C16orf46: variants seen among roughly 807,000 people sequenced by gnomAD.
C16orf46 encodes the protein chromosome 16 open reading frame 46.
A neutral mutation model predicts 5.5 loss-of-function variants in C16orf46; 7 were observed. That is an observed-to-expected ratio of 1.28 (90% CI 0.73 to 2.40). The LOEUF is 2.40. Among genes scored for constraint, C16orf46 ranks in the 30% most tolerant of loss-of-function variants. The probability of loss-of-function intolerance (pLI) is 0.00; values close to 1 mark genes in which losing one functional copy is unlikely to be tolerated. For missense variants in C16orf46, 614 were observed against 476.0 expected (o/e 1.29, Z -2.70); for synonymous variants, 200 against 184.1 (o/e 1.09, Z -0.70).
At chr16:81,059,406 C>T (rs948547230), downstream of C16orf46, among the ~76,000 whole-genome samples, 10 of 150,722 alleles carry the variant, frequency 6.6e-5, no homozygotes, top group Non-Finnish European at 8.8e-5. Flanking sequence ...CAAATATAGT[C>T]ATATATTCTG....
chr16:81,066,890 C>A (rs1410047579), intron 1 of C16orf46, among the ~76,000 whole-genome samples: 1 of 152,152 alleles, frequency 6.6e-6, no homozygotes. Flanking sequence ...GCCATGGAGA[C>A]GCATTTGCAG....
chr16:81,067,701 C>T (rs1369516727), intron 1 of C16orf46, among the ~76,000 whole-genome samples: 12 of 152,016 alleles, frequency 7.9e-5, no homozygotes, highest in South Asian at 2.1e-4. Context: ...TACAGGCGTG[C>T]GCTACCATGC....
chr16:81,061,064 G>C lies in C16orf46; in HGVS notation c.*97C>G, dbSNP rs1163588804. 44 of 1,310,374 alleles carry C rather than the reference G, an allele frequency of 3.4e-5. No homozygotes were observed. The highest frequency in any genetic ancestry group is 4.5e-5 in the Non-Finnish European group (43 of 963,550). The allele number at this position is 1,310,374 out of a possible 1,614,324, so 81.2% of individuals were successfully genotyped here. On this transcript the variant is annotated 3_prime_UTR_variant, in exon 4 of 4. Transcript: ENST00000299578. ...GACAGACTGACGGGGAGGAGAGAAA[G>C]AGAGAGTGGGGGGTGGGTGGGAAAT...
At position 81,071,266 on chromosome 16, in the gene C16orf46, A is replaced by T. The variant is rs750559388; in HGVS notation, c.-127-4985T>A. Among the ~76,000 whole-genome samples, 18 of 152,186 alleles carry T rather than the reference A, an allele frequency of 1.2e-4. 1 individual carries two copies. The highest frequency in any genetic ancestry group is 2.2e-4 in the Non-Finnish European group (15 of 68,026). ...ACTCCCAGTGTCATGGGGAAGCTCC[A>T]AGTGGCCCAGTCAAACGTGGCAGGT... On this transcript the variant is annotated intron_variant, in intron 1 of 3. Coordinates refer to ENST00000299578, the MANE Select transcript of C16orf46 (RefSeq NM_152337.3).
chr16:81,069,334 G>C (rs945556186), intron 1 of C16orf46, among the ~76,000 whole-genome samples: 5 of 152,160 alleles, frequency 3.3e-5, no homozygotes, highest in Admixed American at 3.3e-4. Context: ...TCATGCTGCA[G>C]GTTCATTGTA....
At chr16:81,057,437 T>C (rs375685551), downstream of C16orf46, among the ~76,000 whole-genome samples, 11 of 151,588 alleles carry the variant, frequency 7.3e-5, no homozygotes, top group East Asian at 1.8e-3. Context: ...TAATCCCACC[T>C]ACTCGTGAGT....
At chr16:81,063,586 T>C (rs571351066) in intron 3 of C16orf46, among the ~76,000 whole-genome samples, 160 bp downstream of exon 3, 1 of 152,340 alleles carries the variant, frequency 6.6e-6, no homozygotes, top group East Asian at 1.9e-4. Context: ...CAGTAGGTGC[T>C]GCTCTTATCA....
chr16:81,063,639 T>A lies in C16orf46; in HGVS notation c.210+107A>T, dbSNP rs1159380650. The A allele has an allele frequency of 7.6e-6, 7 of 918,026 alleles. No individual in the cohort carries two copies. The African/African-American group carries it at 8.3e-5, about 11-fold the overall frequency. The allele number at this position is 918,026 out of a possible 1,614,324, so 56.9% of individuals were successfully genotyped here. On this transcript the variant is annotated intron_variant, in intron 3 of 3. Coordinates refer to ENST00000299578, the MANE Select transcript of C16orf46 (RefSeq NM_152337.3). ...CAATTCCAGGGTTTCTACATGTCAT[T>A]GATTCCACATTTTTTGGTAATATTA... is the stretch of plus-strand genomic sequence containing the variant.
Position 81,061,879 on chromosome 16 carries a change from C to G in C16orf46, c.470G>C (p.Arg157Pro). 6.2e-7 allele frequency: 1 copy of G among 1,614,088 alleles called. No individual in the cohort carries two copies. The highest frequency in any genetic ancestry group is 8.5e-7 in the Non-Finnish European group (1 of 1,180,016). ...GATTTGCAGACTTTTTTTCTCTGCT[C>G]GAAAGTAGGTGGGAAAGCAGATGTC... ...ISDICFPTYF[R>P]AEKKSLQIKE... The change falls in exon 4 of 4, where the codon CGA becomes CCA. Residue 157 changes from arginine to proline, a missense_variant. Coordinates refer to ENST00000299578, the MANE Select transcript of C16orf46 (RefSeq NM_152337.3).
chr16:81,062,175 G>T (rs1971506149), intron 3 of C16orf46, 37 bp from the exon 4 acceptor site: 2 of 1,512,182 alleles, frequency 1.3e-6, no homozygotes, highest in Non-Finnish European at 1.8e-6. Flanking sequence ...TCCAGCTGAG[G>T]GGCCCAAACT....
chr16:81,071,765 T>A (rs1326059643), intron 1 of C16orf46, among the ~76,000 whole-genome samples: 1 of 152,152 alleles, frequency 6.6e-6, no homozygotes, highest in Non-Finnish European at 1.5e-5. Context: ...CTGGTACATA[T>A]ACCGAGTCTC....
chr16:81,072,701 T>C (rs988489376), intron 1 of C16orf46, among the ~76,000 whole-genome samples: 1 of 151,604 alleles, frequency 6.6e-6, no homozygotes, highest in African/African-American at 2.4e-5. Context: ...TATTTTTTTA[T>C]TTTTATTTTT....
rs141915746 is a variant in C16orf46 at position 81,072,587 on chromosome 16, T to C, written c.-128+4549A>G. Among the ~76,000 whole-genome samples, 140 of 152,340 alleles carry C rather than the reference T, an allele frequency of 9.2e-4. 2 individuals carry two copies. The East Asian group carries it at 0.021, about 23-fold the overall frequency. ...TTAGTAGAGATGGAGTTTCTTCATG[T>C]TGGTCAGGCTGGTTTCAAATTCCCG... On this transcript the variant is annotated intron_variant, in intron 1 of 3. Transcript: ENST00000299578.
At chr16:81,054,024 C>G (rs763725283) in exon 4 of C16orf46, 1 of 1,577,572 alleles carries the variant, frequency 6.3e-7, no homozygotes, top group East Asian at 2.2e-5. Flanking sequence ...ATGATTACAT[C>G]TCAACCGTGT....
At chr16:81,063,200 G>A (rs971558641) in intron 3 of C16orf46, among the ~76,000 whole-genome samples, 8 of 143,374 alleles carry the variant, frequency 5.6e-5, no homozygotes, top group South Asian at 2.3e-4. Context: ...CCAAGATCGC[G>A]CCACTGCACT....
chr16:81,075,015 A>G (rs1971980882), intron 1 of C16orf46, among the ~76,000 whole-genome samples: 1 of 152,180 alleles, frequency 6.6e-6, no homozygotes, highest in African/African-American at 2.4e-5. Context: ...CTCCATCTAC[A>G]TCACGGATAA....
At chr16:81,071,730 A>T (rs544140169) in intron 1 of C16orf46, among the ~76,000 whole-genome samples, 4 of 152,346 alleles carry the variant, frequency 2.6e-5, no homozygotes, top group Admixed American at 2.6e-4. Context: ...ATAAAAAAAA[A>T]TTAAAAAGTC....
At chr16:81,060,023 C>T (rs1030305133), downstream of C16orf46, among the ~76,000 whole-genome samples, 11 of 151,950 alleles carry the variant, frequency 7.2e-5, no homozygotes, top group Non-Finnish European at 1.3e-4. Context: ...CTCCTGACCT[C>T]ATGATCCGCC....
chr16:81,062,238 A>T (rs899449115), intron 3 of C16orf46, 100 bp from the exon 4 acceptor site: 69 of 1,010,622 alleles, frequency 6.8e-5, no homozygotes, highest in Non-Finnish European at 8.4e-5. Context: ...TATGTGAAAC[A>T]ATATTCTTAT....
Sources: allele counts gnomAD v4.1 joint callset (sites outside exome capture counted in the v4.1 genomes callset), GRCh38; gene constraint gnomAD v4.1.1; transcripts MANE v1.5; gene names NCBI Gene and HGNC (gene_info 2026-07-23, HGNC 2026-07-21).